Variants in DENND1B observed in about 807,000 individuals in gnomAD.
DENND1B encodes the protein DENN domain-containing protein 1B.
DENND1B carries 59 observed loss-of-function variants against 90.1 expected under a neutral mutation model. The ratio of observed to expected loss-of-function variants is 0.65; its 90% confidence interval spans 0.53 to 0.81. DENND1B has a LOEUF of 0.81. DENND1B is among the 40% of genes least tolerant of loss of function. DENND1B has a pLI of 0.00. For synonymous variants in DENND1B, 337 were observed against 324.6 expected (o/e 1.04, Z -0.41); for missense variants, 862 against 912.6 (o/e 0.94, Z 0.71).
At chr1:197,656,070 G>A (rs191365619) in intron 6 of DENND1B, among the ~76,000 whole-genome samples, 207 of 152,164 alleles carry the variant, frequency 1.4e-3, no homozygotes, top group African/African-American at 4.9e-3. Context: ...AAGAAAAAGA[G>A]GAGACTATGA....
intron 20 of DENND1B, among the ~76,000 whole-genome samples, chr1:197,528,561 T>C (rs1669307688): frequency 6.6e-6 from 1 of 152,222 alleles, no homozygotes. Context: ...TTATATTTTA[T>C]GCTTAAAACA....
rs1261971880 is a variant in DENND1B, at chr1:197,510,949, C to G, written c.1839G>C (p.Glu613Asp). 3 of 1,542,604 alleles carry G rather than the reference C, an allele frequency of 1.9e-6. No homozygotes were observed. In the African/African-American group the frequency reaches 4.2e-5, roughly 21 times the overall value. ...CACCACAGAGGAAAGCCAGGTTATT[C>G]TCACTAGGAGCATTAGATTTATTCT... ...KPTNKSNAPS[E>D]NNLAFLCGGS... Residue 613 changes from glutamate (E) to aspartate (D), a missense_variant, in exon 23 of 23, where the codon GAG becomes GAC. Glu to Asp is a conservative substitution (Grantham distance 45). Coordinates refer to ENST00000620048, the MANE Select transcript of DENND1B (RefSeq NM_001195215.2).
intron 13 of DENND1B, chr1:197,605,367 C>A (rs1339131448): frequency 6.6e-6 from 1 of 150,886 alleles, no homozygotes; most frequent in Non-Finnish European, 1.5e-5. Context: ...AAAAAAGAAT[C>A]ACCCATCAAA....
At chr1:197,625,722 A>G (rs993756735) in intron 10 of DENND1B, among the ~76,000 whole-genome samples, 2 of 152,116 alleles carry the variant, frequency 1.3e-5, no homozygotes, top group Non-Finnish European at 2.9e-5. Context: ...AGACTGGCAA[A>G]TTGGATAAAG....
chr1:197,635,034 A>AGGAAG (rs935161370), intron 10 of DENND1B, among the ~76,000 whole-genome samples: 5 of 151,992 alleles, frequency 3.3e-5, no homozygotes, highest in African/African-American at 1.2e-4. Flanking sequence ...GAAGGAAGGA[A>AGGAAG]GGAAGGGAAG....
At chr1:197,702,171 CT>C (rs1419892307) in intron 3 of DENND1B, among the ~76,000 whole-genome samples, 113 of 152,228 alleles carry the variant, frequency 7.4e-4, no homozygotes, top group Non-Finnish European at 1.4e-3. Context: ...GGAAGTTGAA[CT>C]TCTAATATTT....
At chr1:197,687,314 G>T (rs1470763809) in intron 3 of DENND1B, among the ~76,000 whole-genome samples, 1 of 152,044 alleles carries the variant, frequency 6.6e-6, no homozygotes, top group Non-Finnish European at 1.5e-5. Context: ...AAGTGCTTGG[G>T]GCAGCATTAG....
intron 3 of DENND1B, chr1:197,690,643 C>A: frequency 4.6e-6 from 1 of 219,644 alleles, no homozygotes; most frequent in South Asian, 8.2e-5. Context: ...TGAATATTAT[C>A]CCTAATACCT....
intron 5 of DENND1B, among the ~76,000 whole-genome samples, chr1:197,670,068 T>C (rs921592706): frequency 6.6e-5 from 10 of 151,464 alleles, no homozygotes; most frequent in African/African-American, 2.4e-4. Flanking sequence ...GACAATTGGG[T>C]TGTCGATATG....
chr1:197,545,714 C>T lies in DENND1B; in HGVS notation c.1350+208G>A, dbSNP rs11805755. 2.3e-3 allele frequency: 1,032 copies of T among 451,790 alleles called. 13 individuals are homozygous for T. Among genetic ancestry groups the T allele is most frequent in the African/African-American group, 0.019 (932 of 48,506 alleles). 28.0% of individuals were successfully genotyped at this position (451,790 alleles called of 1,614,324 possible). On this transcript the variant is annotated intron_variant, in intron 18 of 22. Coordinates refer to ENST00000620048, the MANE Select transcript of DENND1B (RefSeq NM_001195215.2). Reference sequence around the variant, plus strand: ...CGATAGCTTTGGAATAAAATGAGAACCATTTTTAGATTATATAAAAGAAAC... The same window carrying T: ...CGATAGCTTTGGAATAAAATGAGAATCATTTTTAGATTATATAAAAGAAAC...
intron 20 of DENND1B, among the ~76,000 whole-genome samples, chr1:197,539,633 A>T (rs1286828299): frequency 6.6e-6 from 1 of 152,180 alleles, no homozygotes; most frequent in Non-Finnish European, 1.5e-5. Flanking sequence ...GATTGATTTT[A>T]TTTTTGTAGT....
At position 197,770,656 on chromosome 1, in the gene DENND1B, CTATAA is replaced by C. The variant is rs1558503174; in HGVS notation, c.82+2207_82+2211del. 3.1e-3 allele frequency among the ~76,000 whole-genome samples: 355 copies of C among 115,316 alleles called. 5 individuals are homozygous for C. Among genetic ancestry groups the C allele is most frequent in the African/African-American group, 9.8e-3 (293 of 29,982 alleles). 75.7% of individuals were successfully genotyped at this position (115,316 alleles called of 152,430 possible). A position where few individuals can be genotyped will look rare whatever the true frequency, so the allele number is the denominator to read the frequency against. The stretch of plus-strand genomic sequence containing the variant: ...AAAATATATATCTATAAATATATAT[CTATAA>C]ATATATATCTATAAATATACATATC... On this transcript the variant is annotated intron_variant, in intron 2 of 22. Transcript: ENST00000620048.
chr1:197,691,333 C>T (rs1046219622), intron 3 of DENND1B, among the ~76,000 whole-genome samples: 12 of 149,962 alleles, frequency 8.0e-5, no homozygotes, highest in African/African-American at 2.4e-4. Context: ...AGAAGTCATA[C>T]GAATGGCTAA....
chr1:197,572,992 T>G (rs576716700), intron 15 of DENND1B, among the ~76,000 whole-genome samples: 1 of 152,268 alleles, frequency 6.6e-6, no homozygotes, highest in South Asian at 2.1e-4. Context: ...GATATCCCCT[T>G]TATCATTTTT....
rs553306182 is a variant in DENND1B, at chr1:197,506,962, G to T, written c.*3498C>A. On this transcript the variant is annotated 3_prime_UTR_variant, in exon 23 of 23. Transcript: ENST00000620048. Reference sequence around the variant, plus strand: ...AGTTTCTAAAAGAGTCTCTAAATCTGCCCCTTAAATGTGGGTATCTTAGCA... The same window carrying T: ...AGTTTCTAAAAGAGTCTCTAAATCTTCCCCTTAAATGTGGGTATCTTAGCA... 20 of 151,184 alleles carry T rather than the reference G, an allele frequency of 1.3e-4. No individual in the cohort carries two copies. The highest frequency in any genetic ancestry group is 4.0e-4 in the Admixed American group (6 of 15,116). 9.4% of individuals were successfully genotyped at this position (151,184 alleles called of 1,614,324 possible). A position where few individuals can be genotyped will look rare whatever the true frequency, so the allele number is the denominator to read the frequency against.
At chr1:197,548,700 A>G (rs968152085) in intron 16 of DENND1B, among the ~76,000 whole-genome samples, 2 of 152,138 alleles carry the variant, frequency 1.3e-5, no homozygotes, top group Admixed American at 6.6e-5. Context: ...GCTAAATAAA[A>G]TATGATTAAA....
intron 15 of DENND1B, among the ~76,000 whole-genome samples, chr1:197,570,037 A>C (rs1673015243): frequency 6.6e-6 from 1 of 152,088 alleles, no homozygotes; most frequent in South Asian, 2.1e-4. Flanking sequence ...GCCATTCTAT[A>C]ATCAAATTCC....
chr1:197,562,266 G>A (rs541498733), intron 15 of DENND1B, among the ~76,000 whole-genome samples: 2 of 151,810 alleles, frequency 1.3e-5, no homozygotes, highest in Non-Finnish European at 2.9e-5. Context: ...AATGGATACA[G>A]GCATATCTCA....
chr1:197,611,296 T>C (rs1381803519), intron 12 of DENND1B, among the ~76,000 whole-genome samples: 4 of 150,894 alleles, frequency 2.7e-5, no homozygotes, highest in African/African-American at 9.7e-5. Context: ...AAGACCTTCC[T>C]GGAAATCTCA....
Sources: gnomAD v4.1 joint callset for allele counts (sites outside exome capture counted in the v4.1 genomes callset) on GRCh38, gnomAD v4.1.1 for gene constraint, MANE v1.5 for transcripts, NCBI Gene and HGNC (gene_info 2026-07-23, HGNC 2026-07-21) for gene names.